The following MYBPC3 variants were observed in gnomAD, a reference collection of about 807,000 sequenced individuals.
MYBPC3 encodes the protein myosin binding protein C3.
MYBPC3 carries 108 observed loss-of-function variants against 159.3 expected under a neutral mutation model. The observed-to-expected ratio is 0.68, with a 90% confidence interval of 0.58 to 0.80. The LOEUF is 0.80. MYBPC3 is among the 30% of genes least tolerant of loss of function. MYBPC3 has a pLI of 0.00. For synonymous variants in MYBPC3, 730 were observed against 702.0 expected (o/e 1.04, Z -0.63); for missense variants, 1,631 against 1,762.1 (o/e 0.93, Z 1.33).
intron 12 of MYBPC3, among the ~76,000 whole-genome samples, chr11:47,345,622 C>T (rs552097038): frequency 3.8e-4 from 58 of 152,196 alleles, no homozygotes; most frequent in Non-Finnish European, 6.5e-4. Context: ...CACACCCGCC[C>T]TTGTCAACCC....
chr11:47,343,766 ATTTC>A, intron 12 of MYBPC3, 142 bp from the exon 13 acceptor site: 1 of 828,000 alleles, frequency 1.2e-6, no homozygotes, highest in Non-Finnish European at 1.8e-6. Context: ...CTGTGTCTCT[ATTTC>A]TTTTTGTTTT....
Position 47,346,594 on chromosome 11 carries a change from T to A in MYBPC3, c.926+33A>T, listed in dbSNP as rs2095894388. ...GAGGGGCTCCTGGCAGAATTAGGGG[T>A]GATGAGGGTGCTGTGCTATGTTGGG... is the stretch of plus-strand genomic sequence containing the variant. On this transcript the variant is annotated intron_variant, in intron 11 of 34. Transcript: ENST00000545968. This position sits in a 1 kb window ranked among gnomAD's most constrained non-coding sequence, Gnocchi z 5.3. The A allele has an allele frequency of 6.5e-7, 1 of 1,545,718 alleles. No individual in the cohort carries two copies. The highest frequency in any genetic ancestry group is 8.7e-7 in the Non-Finnish European group (1 of 1,144,702).
In MYBPC3 at chr11:47,333,338, G is replaced by A. The variant is rs1384298522; in HGVS notation, c.3191-5C>T. The A allele has an allele frequency of 3.8e-6, 6 of 1,564,100 alleles. No individual in the cohort carries two copies. The highest frequency in any genetic ancestry group is 4.7e-5 in the East Asian group (2 of 42,700). ...CCTGGGGAGGACTTGGCTTGTCTGC[G>A]GGAGACAGACCCAGTTGGGTCACCA... On this transcript the variant is annotated splice_region_variant and splice_polypyrimidine_tract_variant and intron_variant, in intron 29 of 34. Transcript: ENST00000545968.
chr11:47,342,555 T>A, intron 17 of MYBPC3, 23 bp downstream of exon 17: 1 of 1,549,896 alleles, frequency 6.5e-7, no homozygotes, highest in Non-Finnish European at 8.7e-7. Context: ...TAAAGCCTCA[T>A]GTGCCCCCCC....
chr11:47,339,785 G>A lies in MYBPC3; in HGVS notation c.1933C>T (p.Pro645Ser), dbSNP rs2095886531. 3.1e-6 allele frequency: 5 copies of A among 1,613,358 alleles called. No individual in the cohort carries two copies. The Admixed American group carries it at 8.3e-5, about 27-fold the overall frequency. ...CCTGGGCAGTCCAGGTGGATCTTGGGAGGTTCTGCAGAAGACACAATGTAG... is the reference window on the plus strand; with the variant it reads ...CCTGGGCAGTCCAGGTGGATCTTGGAAGGTTCTGCAGAAGACACAATGTAG... ...KIDFVPRQEP[P>S]KIHLDCPGRI... is the part of the protein sequence containing the mutation. The change falls in exon 21 of 35, where the codon CCC becomes TCC. Residue 645 changes from proline to serine, a missense_variant. Transcript: ENST00000545968.
In MYBPC3 at chr11:47,332,229, C is replaced by A. The variant is rs770157084; in HGVS notation, c.3657G>T (p.Leu1219=). ...KPKISWFKNG[L]DLGEDARFRM... The stretch of plus-strand genomic sequence containing the variant: ...GGAAGCGGGCGTCTTCTCCCAGGTC[C>A]AGGCCATTCTTGAACCAGGAAATCT... Residue 1219 remains leucine (L), a synonymous_variant, in exon 33 of 35, where the codon CTG becomes CTT. Coordinates refer to ENST00000545968, the MANE Select transcript of MYBPC3 (RefSeq NM_000256.3). The surrounding 1 kb of genome is among the most constrained non-coding windows in gnomAD (Gnocchi z 4.2). The A allele has an allele frequency of 2.3e-5, 37 of 1,613,868 alleles. No individual in the cohort carries two copies. In the Middle Eastern group the frequency reaches 2.3e-3, roughly 101 times the overall value.
In MYBPC3 at chr11:47,349,758, AC is replaced by A; in HGVS notation, c.654+15del. On this transcript the variant is annotated intron_variant, in intron 5 of 34. Transcript: ENST00000545968. ...TGTCCCCTCTCTCCGTGTCTCCACG[AC>A]CCCGGTGGACCCACCTTGCTGGCGC... is the stretch of plus-strand genomic sequence containing the variant. The A allele has an allele frequency of 6.2e-7, 1 of 1,600,114 alleles. No individual in the cohort carries two copies. Among genetic ancestry groups the A allele is most frequent in the Non-Finnish European group, 8.5e-7 (1 of 1,179,080 alleles).
chr11:47,349,288 G>T (rs1485426944), intron 5 of MYBPC3, among the ~76,000 whole-genome samples: 1 of 152,080 alleles, frequency 6.6e-6, no homozygotes, highest in African/African-American at 2.4e-5. Context: ...ATGTCTAAGT[G>T]ACCTTGGAGC....
chr11:47,332,353 G>A lies in MYBPC3; in HGVS notation c.3628-95C>T. ...GACACATCTGTGTTTCTACTCGGGG[G>A]GTCCCACGAGAGTCCCTGACTATGC... is the stretch of plus-strand genomic sequence containing the variant. On this transcript the variant is annotated intron_variant, in intron 32 of 34. Coordinates refer to ENST00000545968, the MANE Select transcript of MYBPC3 (RefSeq NM_000256.3). The surrounding 1 kb of genome is among the most constrained non-coding windows in gnomAD (Gnocchi z 4.2). The A allele has an allele frequency of 6.7e-7, 1 of 1,481,496 alleles. No individual in the cohort carries two copies. Among genetic ancestry groups the A allele is most frequent in the Non-Finnish European group, 9.4e-7 (1 of 1,068,126 alleles). The allele number at this position is 1,481,496 out of a possible 1,614,324, so 91.8% of individuals were successfully genotyped here.
At position 47,331,669 on chromosome 11, in the gene MYBPC3, C is replaced by G; in HGVS notation, c.*74G>C. 1 of 657,658 alleles carries G rather than the reference C, an allele frequency of 1.5e-6. No homozygotes were observed. The highest frequency in any genetic ancestry group is 2.5e-6 in the Non-Finnish European group (1 of 392,536). The allele number at this position is 657,658 out of a possible 1,614,324, so 40.7% of individuals were successfully genotyped here. On this transcript the variant is annotated 3_prime_UTR_variant, in exon 35 of 35. Transcript: ENST00000545968. ...ACATCCAACAGTAGGGAGGGGTTTC[C>G]CCAACTTCCCTCCAGGCTCCTGGCA...
intron 30 of MYBPC3, 24 bp downstream of exon 30, chr11:47,333,169 TG>T (rs761850089): frequency 6.3e-7 from 1 of 1,596,584 alleles, no homozygotes; most frequent in Admixed American, 1.7e-5. Flanking sequence ...AGGGTGCACG[TG>T]GGGACCCCAG....
intron 7 of MYBPC3, 65 bp downstream of exon 7, chr11:47,347,792 C>T (rs1012613022): frequency 7.1e-6 from 11 of 1,546,690 alleles, no homozygotes; most frequent in South Asian, 3.6e-5. Flanking sequence ...GACCCCCAGT[C>T]GAGACCCTGA....
At chr11:47,347,290 ATCCCCTC>A (rs1467683995) in intron 9 of MYBPC3, 129 bp downstream of exon 9, 2 of 1,520,186 alleles carry the variant, frequency 1.3e-6, no homozygotes, top group Non-Finnish European at 1.8e-6. Context: ...CACTGGGATC[ATCCCCTC>A]GACAGACAAG....
Position 47,338,430 on chromosome 11 carries a change from T to G in MYBPC3, c.2308+90A>C. ...CTCGGCTCAGGGAGCATGCCCGTGA[T>G]GTTTGTCGAGTGGCTGAATGAGCGA... On this transcript the variant is annotated intron_variant, in intron 23 of 34. Transcript: ENST00000545968. The surrounding 1 kb of genome is among the most constrained non-coding windows in gnomAD (Gnocchi z 4.7). 3 of 1,569,178 alleles carry G rather than the reference T, an allele frequency of 1.9e-6. No homozygotes were observed. The highest frequency in any genetic ancestry group is 2.6e-6 in the Non-Finnish European group (3 of 1,149,662).
chr11:47,341,120 A>C lies in MYBPC3; in HGVS notation c.1897+18T>G. 2.5e-6 allele frequency: 4 copies of C among 1,579,086 alleles called. No homozygotes were observed. The highest frequency in any genetic ancestry group is 3.4e-6 in the Non-Finnish European group (4 of 1,160,896). The stretch of plus-strand genomic sequence containing the variant: ...TGGCCCCACTGCCCCGACCCACCCT[A>C]CCCTGGAGCAGGCTCACCCATGAAG... On this transcript the variant is annotated intron_variant, in intron 19 of 34. Coordinates refer to ENST00000545968, the MANE Select transcript of MYBPC3 (RefSeq NM_000256.3).
At chr11:47,334,077 C>A (rs1194741042) in intron 27 of MYBPC3, 67 bp from the exon 28 acceptor site, 3 of 1,454,666 alleles carry the variant, frequency 2.1e-6, no homozygotes, top group East Asian at 5.0e-5. Context: ...ACAGCTCCAA[C>A]CTCCCTTGAG....
chr11:47,349,048 C>T (rs1377790265), intron 5 of MYBPC3, among the ~76,000 whole-genome samples: 2 of 150,896 alleles, frequency 1.3e-5, no homozygotes, highest in African/African-American at 4.9e-5. Flanking sequence ...TTGCCATCTG[C>T]TGGCACATGG....
chr11:47,339,222 A>C, intron 22 of MYBPC3, 102 bp downstream of exon 22: 2 of 1,280,530 alleles, frequency 1.6e-6, no homozygotes, highest in Non-Finnish European at 2.3e-6. Flanking sequence ...ACACCCGGCC[A>C]AGTGTGGCAC....
chr11:47,350,744 G>T, intron 2 of MYBPC3, 129 bp from the exon 3 acceptor site: 1 of 1,346,424 alleles, frequency 7.4e-7, no homozygotes. Context: ...TCCTCCCGCT[G>T]CCTGGGCCCC....
Sources: allele counts gnomAD v4.1 joint callset (sites outside exome capture counted in the v4.1 genomes callset), GRCh38; gene constraint gnomAD v4.1.1; non-coding constraint Gnocchi (gnomAD v3.1); transcripts MANE v1.5; gene names NCBI Gene and HGNC (gene_info 2026-07-23, HGNC 2026-07-21).